Variants in UCK2 observed in about 807,000 individuals in gnomAD.
The protein encoded by UCK2 is uridine-cytidine kinase 2.
Under a neutral mutation model 30.8 loss-of-function variants are expected in UCK2, and 6 were observed. That is an observed-to-expected ratio of 0.19 (90% confidence interval 0.11 to 0.38). UCK2 has a LOEUF of 0.38. UCK2 is among the 10% of genes least tolerant of loss of function. The pLI, the probability that UCK2 is intolerant of heterozygous loss-of-function variation, is 1.00. For synonymous variants in UCK2, 125 were observed against 133.6 expected (o/e 0.94, Z 0.45); for missense variants, 210 against 339.8 (o/e 0.62, Z 3.00).
intron 1 of UCK2, among the ~76,000 whole-genome samples, chr1:165,872,142 T>G (rs1190716729): frequency 6.6e-6 from 1 of 152,120 alleles, no homozygotes; most frequent in African/African-American, 2.4e-5. Context: ...TGGTGCAATC[T>G]CAGCTCACTG....
At chr1:165,883,017 G>C (rs968411965) in intron 1 of UCK2, among the ~76,000 whole-genome samples, 14 of 152,010 alleles carry the variant, frequency 9.2e-5, no homozygotes, top group African/African-American at 3.4e-4. Context: ...GTAGAGACCG[G>C]GTTTCACCAT....
intron 1 of UCK2, among the ~76,000 whole-genome samples, chr1:165,874,316 A>T (rs1254965450): frequency 6.6e-6 from 1 of 152,178 alleles, no homozygotes; most frequent in East Asian, 1.9e-4. Flanking sequence ...AATAGGGATG[A>T]CACCATGTTT....
chr1:165,906,605 C>T (rs1007507169), intron 6 of UCK2, among the ~76,000 whole-genome samples: 4 of 152,190 alleles, frequency 2.6e-5, no homozygotes, highest in African/African-American at 7.2e-5. Flanking sequence ...CTACCTCAAG[C>T]GACCCTTCCA....
chr1:165,881,091 T>C (rs749955540), intron 1 of UCK2, among the ~76,000 whole-genome samples: 15 of 150,338 alleles, frequency 1.0e-4, no homozygotes, highest in Non-Finnish European at 1.8e-4. Context: ...ACGAATTGTT[T>C]GAACCTGGGA....
chr1:165,870,932 C>T (rs1655181638), intron 1 of UCK2, among the ~76,000 whole-genome samples: 1 of 152,232 alleles, frequency 6.6e-6, no homozygotes, highest in Non-Finnish European at 1.5e-5. Context: ...ATTCTCCTGC[C>T]TCAGCCTCCC....
chr1:165,847,473 T>A (rs2101855870), intron 1 of UCK2, among the ~76,000 whole-genome samples: 1 of 152,326 alleles, frequency 6.6e-6, no homozygotes, highest in African/African-American at 2.4e-5. Context: ...AAACAACCAC[T>A]TTTAAATCCT....
chr1:165,827,734 C>A lies in UCK2; in HGVS notation c.-100C>A. ...GACAGCGGCCTCAGCCCCGGCAGCG[C>A]CCAGCGGCGGCTGCGGAAAGCGGAG... On this transcript the variant is annotated 5_prime_UTR_variant, in exon 1 of 7. Transcript: ENST00000367879. The A allele has an allele frequency of 9.0e-7, 1 of 1,108,324 alleles. No individual in the cohort carries two copies. Among genetic ancestry groups the A allele is most frequent in the Non-Finnish European group, 1.2e-6 (1 of 859,972 alleles). The allele number at this position is 1,108,324 out of a possible 1,614,324, so 68.7% of individuals were successfully genotyped here.
intron 1 of UCK2, among the ~76,000 whole-genome samples, chr1:165,880,430 T>C (rs958289381): frequency 1.2e-4 from 19 of 152,298 alleles, no homozygotes; most frequent in Non-Finnish European, 2.5e-4. Flanking sequence ...AGACCCAGCC[T>C]CACTTGCACC....
At chr1:165,871,179 G>A (rs886517634) in intron 1 of UCK2, among the ~76,000 whole-genome samples, 4 of 152,042 alleles carry the variant, frequency 2.6e-5, no homozygotes, top group Non-Finnish European at 5.9e-5. Context: ...GTGTGCGTGT[G>A]CGTTTGCTTA....
At chr1:165,842,911 C>T (rs909702826) in intron 1 of UCK2, among the ~76,000 whole-genome samples, 2 of 152,178 alleles carry the variant, frequency 1.3e-5, no homozygotes, top group African/African-American at 4.8e-5. Flanking sequence ...CTTCCAGTTC[C>T]CAGCTCTTGA....
intron 4 of UCK2, among the ~76,000 whole-genome samples, chr1:165,900,997 T>A (rs1387442264): frequency 6.6e-6 from 1 of 152,152 alleles, no homozygotes; most frequent in Non-Finnish European, 1.5e-5. Flanking sequence ...GCTGGCTGTG[T>A]GTTTTGGCGG....
intron 1 of UCK2, among the ~76,000 whole-genome samples, chr1:165,836,535 C>T (rs991147982): frequency 3.3e-5 from 5 of 152,204 alleles, no homozygotes; most frequent in Admixed American, 3.3e-4. Context: ...GCTTGCCATT[C>T]ATCTCCTCTA....
intron 1 of UCK2, among the ~76,000 whole-genome samples, chr1:165,878,005 G>A (rs1655381914): frequency 6.6e-6 from 1 of 152,104 alleles, no homozygotes; most frequent in Non-Finnish European, 1.5e-5. Flanking sequence ...GTTAATAGTT[G>A]ACATTAGGGT....
At position 165,827,750 on chromosome 1, in the gene UCK2, G is replaced by A. The variant is rs1476461843; in HGVS notation, c.-84G>A. The stretch of plus-strand genomic sequence containing the variant: ...CCGGCAGCGCCCAGCGGCGGCTGCG[G>A]AAAGCGGAGGGAGTCCGACGCGGGC... On this transcript the variant is annotated 5_prime_UTR_variant, in exon 1 of 7. Coordinates refer to ENST00000367879, the MANE Select transcript of UCK2 (RefSeq NM_012474.5). The A allele has an allele frequency of 8.3e-7, 1 of 1,208,780 alleles. No individual in the cohort carries two copies. Among genetic ancestry groups the A allele is most frequent in the Non-Finnish European group, 1.1e-6 (1 of 949,434 alleles). 74.9% of individuals were successfully genotyped at this position (1,208,780 alleles called of 1,614,324 possible). A position where few individuals can be genotyped will look rare whatever the true frequency, so the allele number is the denominator to read the frequency against.
intron 1 of UCK2, among the ~76,000 whole-genome samples, chr1:165,857,941 T>C (rs2101862841): frequency 6.6e-6 from 1 of 152,290 alleles, no homozygotes; most frequent in Non-Finnish European, 1.5e-5. Flanking sequence ...TGTCTGTATC[T>C]GCTGGAGGGA....
chr1:165,874,526 G>T (rs966755372), intron 1 of UCK2, among the ~76,000 whole-genome samples: 7 of 152,072 alleles, frequency 4.6e-5, no homozygotes, highest in African/African-American at 1.7e-4. Context: ...TCCATCCCCT[G>T]CGTTAAAAGG....
At chr1:165,887,263 A>G (rs1571292694) in intron 1 of UCK2, among the ~76,000 whole-genome samples, 1 of 152,200 alleles carries the variant, frequency 6.6e-6, no homozygotes, top group East Asian at 1.9e-4. Context: ...ACAGGACTGA[A>G]ACATGCAGCG....
intron 2 of UCK2, among the ~76,000 whole-genome samples, chr1:165,890,572 A>G (rs1326247005): frequency 6.6e-6 from 1 of 152,224 alleles, no homozygotes; most frequent in Non-Finnish European, 1.5e-5. Context: ...CTCATTAAAT[A>G]CTGATTGAAT....
chr1:165,853,616 T>G (rs375308223), intron 1 of UCK2, among the ~76,000 whole-genome samples: 47 of 152,124 alleles, frequency 3.1e-4, no homozygotes, highest in African/African-American at 1.1e-3. Flanking sequence ...TCACTAAACA[T>G]CATCCTTACC....
Sources: gnomAD v4.1 joint callset for allele counts (sites outside exome capture counted in the v4.1 genomes callset) on GRCh38, gnomAD v4.1.1 for gene constraint, MANE v1.5 for transcripts, NCBI Gene and HGNC (gene_info 2026-07-23, HGNC 2026-07-21) for gene names.